The following CFTR variants were observed in gnomAD, a reference collection of about 807,000 sequenced individuals.
The protein encoded by CFTR is cystic fibrosis transmembrane conductance regulator.
Under a neutral mutation model 171.6 loss-of-function variants are expected in CFTR, and 181 were observed. The observed-to-expected ratio is 1.05, with a 90% confidence interval of 0.93 to 1.19. CFTR has a LOEUF of 1.19. Among genes scored for constraint, CFTR ranks in the 50% most tolerant of loss-of-function variants. The pLI, the probability that CFTR is intolerant of heterozygous loss-of-function variation, is 0.00. For synonymous variants in CFTR, 583 were observed against 608.0 expected (o/e 0.96, Z 0.60); for missense variants, 1,968 against 1,734.7 (o/e 1.13, Z -2.39).
intron 22 of CFTR, among the ~76,000 whole-genome samples, chr7:117,630,974 T>C (rs1207563870): frequency 1.3e-5 from 2 of 151,984 alleles, no homozygotes; most frequent in Non-Finnish European, 2.9e-5. Context: ...TGGAGCAAGA[T>C]AGATAAGAGA....
At chr7:117,522,851 G>A (rs1798704998) in intron 3 of CFTR, among the ~76,000 whole-genome samples, 1 of 152,016 alleles carries the variant, frequency 6.6e-6, no homozygotes. Context: ...AAAAAATCAG[G>A]TGATATCTGT....
chr7:117,567,814 T>C (rs979217167), intron 11 of CFTR, among the ~76,000 whole-genome samples: 1 of 152,182 alleles, frequency 6.6e-6, no homozygotes, highest in African/African-American at 2.4e-5. Flanking sequence ...TTCATTCTAG[T>C]AGAGAAGATG....
chr7:117,523,655 G>C (rs1242887092), intron 3 of CFTR, among the ~76,000 whole-genome samples: 1 of 152,158 alleles, frequency 6.6e-6, no homozygotes, highest in African/African-American at 2.4e-5. Flanking sequence ...GGGATTACAG[G>C]CGTGAGCCAC....
chr7:117,653,917 G>T (rs1395206989), intron 24 of CFTR, among the ~76,000 whole-genome samples: 1 of 152,116 alleles, frequency 6.6e-6, no homozygotes, highest in Non-Finnish European at 1.5e-5. Context: ...AAATAAAATG[G>T]TGAAACAGGC....
chr7:117,580,806 C>T (rs763566539), intron 11 of CFTR, among the ~76,000 whole-genome samples: 20 of 152,142 alleles, frequency 1.3e-4, no homozygotes, highest in Non-Finnish European at 2.2e-4. Context: ...CTTATCGAGA[C>T]AGTTACTGTG....
At chr7:117,539,666 T>C (rs1799014875) in intron 7 of CFTR, among the ~76,000 whole-genome samples, 1 of 152,122 alleles carries the variant, frequency 6.6e-6, no homozygotes, top group Non-Finnish European at 1.5e-5. Context: ...TTTTCCTTTA[T>C]AAATCTTGCA....
chr7:117,500,159 G>T (rs1402755291), intron 1 of CFTR, among the ~76,000 whole-genome samples: 1 of 151,604 alleles, frequency 6.6e-6, no homozygotes, highest in Non-Finnish European at 1.5e-5. Context: ...CTGGAGTTTT[G>T]CACTAACTAA....
At chr7:117,532,058 CT>C (rs1318010123) in intron 4 of CFTR, among the ~76,000 whole-genome samples, 2 of 151,056 alleles carry the variant, frequency 1.3e-5, no homozygotes, top group Non-Finnish European at 2.9e-5. Context: ...TCAAAAAAGC[CT>C]TTTATGAAGG....
chr7:117,660,562 G>A (rs986194982), intron 24 of CFTR, among the ~76,000 whole-genome samples: 1 of 151,920 alleles, frequency 6.6e-6, no homozygotes, highest in Admixed American at 6.6e-5. Context: ...CCTGGGAGTC[G>A]GAGGTTGCAG....
intron 22 of CFTR, among the ~76,000 whole-genome samples, chr7:117,639,472 T>C (rs1312795068): frequency 1.3e-5 from 2 of 152,118 alleles, no homozygotes; most frequent in Non-Finnish European, 2.9e-5. Context: ...TTCTTCATGA[T>C]AAATCTGGAC....
At position 117,603,631 on chromosome 7, in the gene CFTR, C is replaced by T. The variant is rs1408746819; in HGVS notation, c.2757C>T (p.Tyr919=). The change falls in exon 17 of 27, where the codon TAC becomes TAT. Residue 919 remains tyrosine, a synonymous_variant. Transcript: ENST00000003084. ...GTTCGTATTATGTGTTTTACATTTACGTGGGAGTAGCCGACACTTTGCTTG... is the reference window on the plus strand; with the variant it reads ...GTTCGTATTATGTGTTTTACATTTATGTGGGAGTAGCCGACACTTTGCTTG... ...STSSYYVFYI[Y]VGVADTLLAM... is the part of the protein sequence containing the mutation. 23 of 1,613,958 alleles carry T rather than the reference C, an allele frequency of 1.4e-5. No individual in the cohort carries two copies. The highest frequency in any genetic ancestry group is 2.2e-5 in the East Asian group (1 of 44,892).
Position 117,652,835 on chromosome 7 carries a change from G to A in CFTR, c.3874-7G>A, listed in dbSNP as rs776663932. Reference sequence around the variant, plus strand: ...ATACTTTCTTCTTCTTTTCTTTTTTGCTATAGAAAGTATTTATTTTTTCTG... The same window carrying A: ...ATACTTTCTTCTTCTTTTCTTTTTTACTATAGAAAGTATTTATTTTTTCTG... On this transcript the variant is annotated splice_polypyrimidine_tract_variant and splice_region_variant and intron_variant, in intron 23 of 26. Coordinates refer to ENST00000003084, the MANE Select transcript of CFTR (RefSeq NM_000492.4). The A allele has an allele frequency of 6.0e-6, 8 of 1,326,720 alleles. No homozygotes were observed. Among genetic ancestry groups the A allele is most frequent in the Non-Finnish European group, 8.7e-6 (8 of 924,150 alleles). The allele number at this position is 1,326,720 out of a possible 1,614,324, so 82.2% of individuals were successfully genotyped here.
chr7:117,661,659 G>A (rs1167464672), intron 24 of CFTR, among the ~76,000 whole-genome samples: 1 of 152,142 alleles, frequency 6.6e-6, no homozygotes, highest in East Asian at 1.9e-4. Flanking sequence ...TCACACAAAG[G>A]TAGTGTTTCA....
intron 24 of CFTR, among the ~76,000 whole-genome samples, chr7:117,660,610 A>G (rs900295021): frequency 6.6e-6 from 1 of 152,026 alleles, no homozygotes; most frequent in African/African-American, 2.4e-5. Context: ...AGCCTGGGCA[A>G]TAGAGCAAGA....
intron 15 of CFTR, among the ~76,000 whole-genome samples, chr7:117,600,105 A>T (rs916565273): frequency 6.6e-6 from 1 of 152,006 alleles, no homozygotes; most frequent in Non-Finnish European, 1.5e-5. Flanking sequence ...GTAGTCTTTT[A>T]AAAAATTTCT....
chr7:117,584,511 A>T (rs1791899811), intron 11 of CFTR, among the ~76,000 whole-genome samples: 1 of 152,112 alleles, frequency 6.6e-6, no homozygotes, highest in Non-Finnish European at 1.5e-5. Context: ...TGGGTTCTCT[A>T]TTCTGTTCCA....
In CFTR at chr7:117,668,430, C is replaced by G. The variant is rs190470955; in HGVS notation, c.*1322C>G. 1.1e-4 allele frequency: 17 copies of G among 152,438 alleles called. No individual in the cohort carries two copies. The highest frequency in any genetic ancestry group is 3.6e-4 in the African/African-American group (15 of 41,500). The allele number at this position is 152,438 out of a possible 1,614,324, so 9.4% of individuals were successfully genotyped here. A position where few individuals can be genotyped will look rare whatever the true frequency, so the allele number is the denominator to read the frequency against. On this transcript the variant is annotated 3_prime_UTR_variant, in exon 27 of 27. Coordinates refer to ENST00000003084, the MANE Select transcript of CFTR (RefSeq NM_000492.4). ...ATATTAACCAGGGGCCATGAATCAC[C>G]TTTTGGTCTGGAGGGAAGCCTTGGG...
In CFTR at chr7:117,497,264, G is replaced by A. The variant is rs200911839; in HGVS notation, c.54-6989G>A. ...TGTTGTGGGGATCAGATGAAATAAT[G>A]TATGTGAAATATTTAGAATTATGCA... On this transcript the variant is annotated intron_variant, in intron 1 of 26. Coordinates refer to ENST00000003084, the MANE Select transcript of CFTR (RefSeq NM_000492.4). 5.3e-5 allele frequency among the ~76,000 whole-genome samples: 8 copies of A among 152,240 alleles called. No individual in the cohort carries two copies. The East Asian group carries it at 9.6e-4, about 18-fold the overall frequency.
At chr7:117,582,632 T>A (rs1170938423) in intron 11 of CFTR, among the ~76,000 whole-genome samples, 1 of 152,116 alleles carries the variant, frequency 6.6e-6, no homozygotes, top group Admixed American at 6.5e-5. Context: ...CATGGCTTAC[T>A]GACTCAAAGT....
Sources: gnomAD v4.1 joint callset for allele counts (sites outside exome capture counted in the v4.1 genomes callset) on GRCh38, gnomAD v4.1.1 for gene constraint, MANE v1.5 for transcripts, NCBI Gene and HGNC (gene_info 2026-07-23, HGNC 2026-07-21) for gene names.